The following NAALADL2 variants were observed in gnomAD, a reference collection of about 807,000 sequenced individuals.
The protein encoded by NAALADL2 is N-acetylated alpha-linked acidic dipeptidase like 2.
NAALADL2 carries 76 observed loss-of-function variants against 87.2 expected under a neutral mutation model. The ratio of observed to expected loss-of-function variants is 0.87; its 90% CI spans 0.72 to 1.05. The LOEUF (loss-of-function observed/expected upper bound fraction) is 1.05. Among genes scored for constraint, NAALADL2 ranks in the 50% least tolerant of loss-of-function variants. The pLI, the probability that NAALADL2 is intolerant of heterozygous loss-of-function variation, is 0.00. For missense variants in NAALADL2, 1,089 were observed against 945.8 expected, an observed-to-expected ratio of 1.15 and a Z score of -1.99; for synonymous variants, 354 against 331.0, an observed-to-expected ratio of 1.07 and a Z score of -0.75.
At chr3:175,775,594 C>T (rs1233058995) in intron 13 of NAALADL2, among the ~76,000 whole-genome samples, 2 of 152,092 alleles carry the variant, frequency 1.3e-5, no homozygotes, top group Non-Finnish European at 2.9e-5. Context: ...AGGTAAAGTA[C>T]TTCCTCTTTC....
intron 6 of NAALADL2, among the ~76,000 whole-genome samples, chr3:175,449,729 C>T (rs1483553795): frequency 6.6e-6 from 1 of 152,060 alleles, no homozygotes; most frequent in African/African-American, 2.4e-5. Context: ...AATGTCCTTG[C>T]AAAGCAAGAT....
chr3:175,601,922 C>T (rs1334401038), intron 10 of NAALADL2, among the ~76,000 whole-genome samples: 6 of 152,128 alleles, frequency 3.9e-5, no homozygotes, highest in South Asian at 2.1e-4. Flanking sequence ...AATTAAGCTG[C>T]GTGCTTCTTA....
chr3:174,539,769 G>T (rs1444446673), intron 1 of NAALADL2, among the ~76,000 whole-genome samples: 3 of 151,576 alleles, frequency 2.0e-5, no homozygotes, highest in Non-Finnish European at 1.5e-5. Flanking sequence ...CAATAATTTT[G>T]GTAGGTCACT....
At chr3:175,685,533 AAG>A (rs1164763519) in intron 11 of NAALADL2, among the ~76,000 whole-genome samples, 1 of 148,718 alleles carries the variant, frequency 6.7e-6, no homozygotes, top group Non-Finnish European at 1.5e-5. Flanking sequence ...TGGAGAGAAA[AAG>A]AGAGAGAGAT....
intron 13 of NAALADL2, among the ~76,000 whole-genome samples, chr3:175,781,781 T>C (rs1031819864): frequency 1.3e-5 from 2 of 152,006 alleles, no homozygotes; most frequent in African/African-American, 4.8e-5. Context: ...TACATATGTA[T>C]ACATGTGCCA....
intron 3 of NAALADL2, among the ~76,000 whole-genome samples, chr3:174,757,523 G>A (rs894931179): frequency 6.6e-6 from 1 of 151,204 alleles, no homozygotes; most frequent in Non-Finnish European, 1.5e-5. Context: ...TTGGAGTCTC[G>A]CTCTGTCGCC....
At chr3:174,648,388 A>T (rs1384995851) in intron 2 of NAALADL2, among the ~76,000 whole-genome samples, 1 of 152,060 alleles carries the variant, frequency 6.6e-6, no homozygotes, top group Non-Finnish European at 1.5e-5. Flanking sequence ...CATAGGAGAA[A>T]ACTTAGTAGA....
intron 4 of NAALADL2, among the ~76,000 whole-genome samples, chr3:175,259,025 T>C (rs1750564995): frequency 6.6e-6 from 1 of 152,146 alleles, no homozygotes; most frequent in East Asian, 1.9e-4. Context: ...ACCAGCCAGA[T>C]TAAAGCGGCA....
chr3:175,325,077 C>G (rs1760528846), intron 5 of NAALADL2, among the ~76,000 whole-genome samples: 1 of 152,108 alleles, frequency 6.6e-6, no homozygotes, highest in Non-Finnish European at 1.5e-5. Flanking sequence ...ACCCATTAAC[C>G]GTGACAGTTC....
intron 4 of NAALADL2, among the ~76,000 whole-genome samples, chr3:175,276,818 A>G (rs1286149655): frequency 1.3e-5 from 2 of 152,072 alleles, no homozygotes; most frequent in South Asian, 2.1e-4. Flanking sequence ...TCATTTTTCA[A>G]TCTTAATAGT....
chr3:175,034,410 G>A (rs1753162217), intron 1 of NAALADL2, among the ~76,000 whole-genome samples: 1 of 152,068 alleles, frequency 6.6e-6, no homozygotes, highest in African/African-American at 2.4e-5. Context: ...TGTTCATGAT[G>A]CCAAACTCAA....
chr3:174,598,622 T>A (rs1055627254), intron 2 of NAALADL2, among the ~76,000 whole-genome samples: 1 of 152,118 alleles, frequency 6.6e-6, no homozygotes, highest in African/African-American at 2.4e-5. Context: ...TTATGAAAAT[T>A]TATAATTAGT....
In NAALADL2 at chr3:175,164,714, TAAGAC is replaced by T. The variant is rs1229773137; in HGVS notation, c.545+67427_545+67431del. On this transcript the variant is annotated intron_variant, in intron 2 of 13. Coordinates refer to ENST00000454872, the MANE Select transcript of NAALADL2 (RefSeq NM_207015.3). ...AAATTCTTAAAGTGTGTTAATGAAA[TAAGAC>T]AAGCATGTCAACCTATTTTCAATGA... 1.3e-5 allele frequency among the ~76,000 whole-genome samples: 2 copies of T among 152,138 alleles called. 1 individual carries two copies.
chr3:175,652,678 C>G (rs2149791704), intron 11 of NAALADL2, among the ~76,000 whole-genome samples: 1 of 152,118 alleles, frequency 6.6e-6, no homozygotes, highest in South Asian at 2.1e-4. Context: ...CGGGGTTTCA[C>G]CATGTTAGCC....
intron 2 of NAALADL2, among the ~76,000 whole-genome samples, chr3:174,703,214 A>G (rs1729722587): frequency 6.6e-6 from 1 of 151,426 alleles, no homozygotes; most frequent in South Asian, 2.1e-4. Context: ...ATCTTGGCTC[A>G]TTGTAGCTTC....
chr3:174,649,424 T>C (rs1724136435), intron 2 of NAALADL2, among the ~76,000 whole-genome samples: 1 of 152,216 alleles, frequency 6.6e-6, no homozygotes, highest in Admixed American at 6.5e-5. Context: ...TTATATTATA[T>C]ACTTTTCCAT....
At chr3:175,547,393 T>G (rs963842930) in intron 9 of NAALADL2, among the ~76,000 whole-genome samples, 3 of 152,012 alleles carry the variant, frequency 2.0e-5, no homozygotes, top group Non-Finnish European at 2.9e-5. Context: ...GCCATTACCA[T>G]ATACAAAAAT....
chr3:175,322,791 C>A (rs1244235262), intron 4 of NAALADL2, among the ~76,000 whole-genome samples: 1 of 147,408 alleles, frequency 6.8e-6, no homozygotes, highest in Admixed American at 6.7e-5. Context: ...CTATGAGATA[C>A]CATCTCACAC....
At chr3:175,639,315 A>ATTTTTT (rs1728965438) in intron 11 of NAALADL2, among the ~76,000 whole-genome samples, 1 of 96,204 alleles carries the variant, frequency 1.0e-5, no homozygotes. Context: ...CAAAAGCGTT[A>ATTTTTT]TTCTTTTTTT....
Sources: allele counts gnomAD v4.1 joint callset (sites outside exome capture counted in the v4.1 genomes callset), GRCh38; gene constraint gnomAD v4.1.1; transcripts MANE v1.5; gene names NCBI Gene and HGNC (gene_info 2026-07-23, HGNC 2026-07-21).